HEATR5B: variants seen among roughly 807,000 people sequenced by gnomAD.
HEATR5B encodes HEAT repeat-containing protein 5B.
Under a neutral mutation model 224.1 loss-of-function variants are expected in HEATR5B, and 156 were observed. The ratio of observed to expected loss-of-function variants is 0.70; its 90% CI spans 0.61 to 0.80. The LOEUF (loss-of-function observed/expected upper bound fraction) is 0.80. HEATR5B is among the 30% of genes least tolerant of loss of function. The pLI is 0.00. For missense variants in HEATR5B, 2,323 were observed against 2,535.5 expected (o/e 0.92, Z 1.80); for synonymous variants, 1,027 against 893.0 (o/e 1.15, Z -2.68).
chr2:37,012,198 C>T (rs1010632341), intron 27 of HEATR5B, among the ~76,000 whole-genome samples: 10 of 152,024 alleles, frequency 6.6e-5, no homozygotes, highest in African/African-American at 2.2e-4. Flanking sequence ...CTAATGTGTG[C>T]GTGCGTGTGT....
chr2:36,991,969 C>A (rs1666362054), intron 33 of HEATR5B, among the ~76,000 whole-genome samples: 1 of 152,100 alleles, frequency 6.6e-6, no homozygotes, highest in East Asian at 1.9e-4. Flanking sequence ...GTGGCTCATG[C>A]CTGTAATTCC....
chr2:37,059,406 A>ATGTATATG (rs1553320979), intron 12 of HEATR5B, among the ~76,000 whole-genome samples: 10 of 100,224 alleles, frequency 1.0e-4, no homozygotes, highest in Non-Finnish European at 1.8e-4. Flanking sequence ...ATATATGTAT[A>ATGTATATG]TGTGTGTGTG....
chr2:37,056,003 G>A (rs945376438), intron 16 of HEATR5B, among the ~76,000 whole-genome samples: 5 of 152,172 alleles, frequency 3.3e-5, no homozygotes, highest in African/African-American at 4.8e-5. Context: ...CGTTATTAGT[G>A]ATTGGAATTT....
chr2:37,081,305 T>C (rs1039734857), intron 2 of HEATR5B, among the ~76,000 whole-genome samples: 1 of 152,254 alleles, frequency 6.6e-6, no homozygotes, highest in Non-Finnish European at 1.5e-5. Context: ...TGTGCCATGT[T>C]GGTGTGCTGC....
At chr2:37,072,515 G>T (rs1223972252) in intron 5 of HEATR5B, among the ~76,000 whole-genome samples, 1 of 152,122 alleles carries the variant, frequency 6.6e-6, no homozygotes, top group African/African-American at 2.4e-5. Flanking sequence ...TCTAGTTAGG[G>T]AGAAACATGT....
intron 5 of HEATR5B, among the ~76,000 whole-genome samples, chr2:37,074,308 C>G (rs1387810259): frequency 8.6e-6 from 1 of 115,802 alleles, no homozygotes; most frequent in Non-Finnish European, 1.7e-5. Flanking sequence ...GGGGACAGAG[C>G]AAGACTCCAT....
At chr2:37,016,303 G>C (rs532081218) in intron 26 of HEATR5B, among the ~76,000 whole-genome samples, 1 of 151,974 alleles carries the variant, frequency 6.6e-6, no homozygotes, top group Non-Finnish European at 1.5e-5. Context: ...AGTAGAGACG[G>C]GGTTTCACCA....
At chr2:37,074,085 G>T (rs555413552) in intron 5 of HEATR5B, among the ~76,000 whole-genome samples, 1 of 152,280 alleles carries the variant, frequency 6.6e-6, no homozygotes, top group South Asian at 2.1e-4. Context: ...AGTTTGGGAG[G>T]CCGAGGTGGG....
chr2:37,074,994 A>C (rs947203204), intron 5 of HEATR5B, among the ~76,000 whole-genome samples: 2 of 152,240 alleles, frequency 1.3e-5, no homozygotes, highest in African/African-American at 4.8e-5. Context: ...AGTACTTTGG[A>C]AAACAGTTTT....
chr2:37,007,273 A>G lies in HEATR5B; in HGVS notation c.4554T>C (p.Asp1518=), dbSNP rs749873333. 1 of 1,613,758 alleles carries G rather than the reference A, an allele frequency of 6.2e-7. No individual in the cohort carries two copies. Among genetic ancestry groups the G allele is most frequent in the East Asian group, 2.2e-5 (1 of 44,864 alleles). ...AATTCCGATAGTGAAGTCTAGCTGT[A>G]TCAATAGTTTCAGGGGTATAAAATG... ...GGAFYTPETI[D]TARLHYRNSW... is the part of the protein sequence containing the mutation. Residue 1518 remains aspartate, a synonymous_variant, in exon 29 of 36, where the codon GAT becomes GAC. Coordinates refer to ENST00000233099, the MANE Select transcript of HEATR5B (RefSeq NM_019024.3).
At chr2:37,020,282 A>C (rs1228836085) in intron 25 of HEATR5B, among the ~76,000 whole-genome samples, 1 of 152,206 alleles carries the variant, frequency 6.6e-6, no homozygotes, top group African/African-American at 2.4e-5. Context: ...ATCTATTTCT[A>C]AAAATGCTTA....
chr2:36,987,850 C>G (rs761334605), intron 35 of HEATR5B, among the ~76,000 whole-genome samples: 1 of 152,078 alleles, frequency 6.6e-6, no homozygotes, highest in South Asian at 2.1e-4. Context: ...AGGTGGATCG[C>G]TTGAGTCCAG....
intron 33 of HEATR5B, among the ~76,000 whole-genome samples, chr2:37,000,239 G>A (rs1001215651): frequency 2.6e-5 from 4 of 151,860 alleles, no homozygotes; most frequent in Non-Finnish European, 4.4e-5. Context: ...CACCATACCC[G>A]GCTAATTCTG....
At chr2:37,055,161 G>T in intron 16 of HEATR5B, 1 of 347,904 alleles carries the variant, frequency 2.9e-6, no homozygotes, top group Non-Finnish European at 5.9e-6. Flanking sequence ...ATCACTTCTT[G>T]CTTTTTACCT....
chr2:36,993,091 G>C (rs1161983375), intron 33 of HEATR5B, among the ~76,000 whole-genome samples: 2 of 152,088 alleles, frequency 1.3e-5, no homozygotes, highest in Non-Finnish European at 2.9e-5. Flanking sequence ...CTACTGAAAG[G>C]AATCAAGGCT....
intron 35 of HEATR5B, among the ~76,000 whole-genome samples, chr2:36,982,863 TACACACACACAC>T (rs3836070): frequency 1.0e-3 from 127 of 126,060 alleles, no homozygotes; most frequent in Admixed American, 3.6e-3. Context: ...CAGACACAGA[TACACACACACAC>T]ACACACACAC....
At chr2:36,983,303 G>C (rs1047660083) in intron 35 of HEATR5B, among the ~76,000 whole-genome samples, 1 of 151,884 alleles carries the variant, frequency 6.6e-6, no homozygotes, top group Non-Finnish European at 1.5e-5. Context: ...GCCAAGGTGG[G>C]CGGATCCCCT....
chr2:37,041,143 G>T lies in HEATR5B; in HGVS notation c.2846C>A (p.Pro949His). ...LLALAQDGTS[P>H]EVQTWSLHSL... The stretch of plus-strand genomic sequence containing the variant: ...CCAATTATATTATACCTGGACTTCA[G>T]GGGATGTCCCATCTTGTGCTAGAGC... Residue 949 changes from proline (P) to histidine (H), a missense_variant, in exon 19 of 36, where the codon CCT becomes CAT. By Grantham distance (77) the Pro-to-His change is moderately conservative. Coordinates refer to ENST00000233099, the MANE Select transcript of HEATR5B (RefSeq NM_019024.3). 2 of 1,613,368 alleles carry T rather than the reference G, an allele frequency of 1.2e-6. No individual in the cohort carries two copies. The highest frequency in any genetic ancestry group is 1.7e-6 in the Non-Finnish European group (2 of 1,179,564).
At chr2:37,081,494 C>T (rs920257351) in intron 2 of HEATR5B, among the ~76,000 whole-genome samples, 2 of 152,136 alleles carry the variant, frequency 1.3e-5, no homozygotes, top group East Asian at 1.9e-4. Context: ...CTGTTCCCAA[C>T]AGGGAAAGCT....
Sources: gnomAD v4.1 joint callset for allele counts (sites outside exome capture counted in the v4.1 genomes callset) on GRCh38, gnomAD v4.1.1 for gene constraint, MANE v1.5 for transcripts, NCBI Gene and HGNC (gene_info 2026-07-23, HGNC 2026-07-21) for gene names.